RFX2: variants seen among roughly 807,000 people sequenced by gnomAD.
RFX2 encodes DNA-binding protein RFX2.
In RFX2, 20 loss-of-function variants were observed where a neutral mutation model predicts 87.8. The ratio of observed to expected loss-of-function variants is 0.23; its 90% CI spans 0.16 to 0.33. RFX2 has a LOEUF of 0.33. Among genes scored for constraint, RFX2 ranks in the 10% least tolerant of loss-of-function variants. RFX2 has a pLI of 1.00. For synonymous variants in RFX2, 397 were observed against 431.3 expected (o/e 0.92, Z 0.98); for missense variants, 767 against 1,012.3 (o/e 0.76, Z 3.29).
At chr19:6,052,541 C>T (rs887225962) in intron 1 of RFX2, among the ~76,000 whole-genome samples, 2 of 151,990 alleles carry the variant, frequency 1.3e-5, no homozygotes, top group African/African-American at 4.8e-5. Context: ...TATTATCAAC[C>T]ACATTGATGT....
chr19:6,030,555 C>T (rs1021660702), intron 5 of RFX2, among the ~76,000 whole-genome samples: 2 of 151,872 alleles, frequency 1.3e-5, no homozygotes, highest in African/African-American at 2.4e-5. Flanking sequence ...TTGGCAAATC[C>T]CTAGAGACAG....
chr19:5,995,679 A>AG (rs1161178336), intron 16 of RFX2, 36 bp from the exon 17 acceptor site: 3 of 1,548,124 alleles, frequency 1.9e-6, no homozygotes, highest in Non-Finnish European at 2.6e-6. Flanking sequence ...GCGCCTGCAG[A>AG]GGGGCGGCAG....
chr19:6,041,407 G>A (rs990969010), intron 4 of RFX2, among the ~76,000 whole-genome samples: 9 of 152,128 alleles, frequency 5.9e-5, no homozygotes, highest in Non-Finnish European at 2.9e-5. Flanking sequence ...TGAGCTGCAC[G>A]GGAGATGCAT....
chr19:6,099,889 T>A (rs2088091817), intron 1 of RFX2, among the ~76,000 whole-genome samples: 1 of 152,176 alleles, frequency 6.6e-6, no homozygotes, highest in Non-Finnish European at 1.5e-5. Context: ...CTGGAAACAG[T>A]TGGTTGTCAC....
intron 1 of RFX2, among the ~76,000 whole-genome samples, chr19:6,104,017 C>T (rs1442206039): frequency 6.6e-6 from 1 of 152,140 alleles, no homozygotes; most frequent in African/African-American, 2.4e-5. Context: ...ATATAGCAAC[C>T]ACACGAGCTA....
In RFX2 at chr19:6,045,662, T is replaced by C. The variant is rs1241312785; in HGVS notation, c.91-1380A>G. 6.6e-6 allele frequency among the ~76,000 whole-genome samples: 1 copy of C among 151,658 alleles called. No homozygotes were observed. Among genetic ancestry groups the C allele is most frequent in the Non-Finnish European group, 1.5e-5 (1 of 68,028 alleles). On this transcript the variant is annotated intron_variant, in intron 2 of 17. Coordinates refer to ENST00000303657, the MANE Select transcript of RFX2 (RefSeq NM_000635.4). This position sits in a 1 kb window ranked among gnomAD's most constrained non-coding sequence, Gnocchi z 5.2. The stretch of plus-strand genomic sequence containing the variant: ...TTTTTGTTTTTGCGGAATTGTGTTT[T>C]TTTGTTTTTGTTTTTTTGTGTTTTT...
In RFX2 at chr19:6,044,360, G is replaced by T; in HGVS notation, c.91-78C>A. 1 of 911,148 alleles carries T rather than the reference G, an allele frequency of 1.1e-6. No homozygotes were observed. Among genetic ancestry groups the T allele is most frequent in the Non-Finnish European group, 1.6e-6 (1 of 642,946 alleles). 56.4% of individuals were successfully genotyped at this position (911,148 alleles called of 1,614,324 possible). A position where few individuals can be genotyped will look rare whatever the true frequency, so the allele number is the denominator to read the frequency against. On this transcript the variant is annotated intron_variant, in intron 2 of 17. Transcript: ENST00000303657. This position sits in a 1 kb window ranked among gnomAD's most constrained non-coding sequence, Gnocchi z 5.3. Reference sequence around the variant, plus strand: ...GGATACACACAGAATGTAAGATGCTGTTTGTCTGTTCATGTGCTTTTTATT... The same window carrying T: ...GGATACACACAGAATGTAAGATGCTTTTTGTCTGTTCATGTGCTTTTTATT...
At chr19:6,041,452 C>A (rs972673322) in intron 4 of RFX2, among the ~76,000 whole-genome samples, 4 of 152,146 alleles carry the variant, frequency 2.6e-5, no homozygotes, top group African/African-American at 4.8e-5. Flanking sequence ...AGTTACAGAG[C>A]AGAAAACTCT....
At chr19:6,014,414 T>G (rs2086697921) in intron 7 of RFX2, among the ~76,000 whole-genome samples, 1 of 152,130 alleles carries the variant, frequency 6.6e-6, no homozygotes, top group Admixed American at 6.5e-5. Flanking sequence ...TTTTTTTGTA[T>G]TTTTAGTAGG....
At chr19:6,094,900 G>A (rs1014228142) in intron 1 of RFX2, among the ~76,000 whole-genome samples, 1 of 152,024 alleles carries the variant, frequency 6.6e-6, no homozygotes, top group African/African-American at 2.4e-5. Context: ...AGGCTGAGGC[G>A]GGTGGATCAC....
intron 5 of RFX2, among the ~76,000 whole-genome samples, chr19:6,034,627 G>A (rs1328687711): frequency 1.3e-5 from 2 of 152,164 alleles, no homozygotes; most frequent in Non-Finnish European, 2.9e-5. Flanking sequence ...TTCCCAAAGT[G>A]CTAGTATTAC....
Position 6,022,855 on chromosome 19 carries a change from C to T in RFX2, c.597+3308G>A, listed in dbSNP as rs532150299. ...GGAGGCCTGGGAAGCTCCTGTTGAC[C>T]GGCTGGGTCTGGACAATGCTGTCTC... On this transcript the variant is annotated intron_variant, in intron 6 of 17. Coordinates refer to ENST00000303657, the MANE Select transcript of RFX2 (RefSeq NM_000635.4). The surrounding 1 kb of genome is among the most constrained non-coding windows in gnomAD (Gnocchi z 6.2). Among the ~76,000 whole-genome samples the T allele has an allele frequency of 1.3e-5, 2 of 152,312 alleles. No individual in the cohort carries two copies. Among genetic ancestry groups the T allele is most frequent in the African/African-American group, 2.4e-5 (1 of 41,564 alleles).
At chr19:6,097,438 G>GA (rs2088045937) in intron 1 of RFX2, among the ~76,000 whole-genome samples, 1 of 152,130 alleles carries the variant, frequency 6.6e-6, no homozygotes, top group Non-Finnish European at 1.5e-5. Flanking sequence ...CCAAAGGACT[G>GA]AGACATGCAT....
intron 1 of RFX2, among the ~76,000 whole-genome samples, chr19:6,095,952 C>G (rs890282464): frequency 1.3e-5 from 2 of 152,174 alleles, no homozygotes; most frequent in Non-Finnish European, 2.9e-5. Context: ...ACGGCCAGGC[C>G]CAAGCTCTCA....
At chr19:6,100,223 G>C (rs16993376) in intron 1 of RFX2, among the ~76,000 whole-genome samples, 3,088 of 152,278 alleles carry the variant, frequency 0.02, 51 homozygotes, top group Middle Eastern at 0.085. Context: ...TAGTGAAAGG[G>C]AGGCAACGAA....
chr19:6,108,988 G>A (rs977683773), intron 1 of RFX2, among the ~76,000 whole-genome samples: 5 of 151,956 alleles, frequency 3.3e-5, no homozygotes, highest in African/African-American at 1.2e-4. Context: ...GAAAAAGAAA[G>A]AAATGAGCAT....
intron 1 of RFX2, among the ~76,000 whole-genome samples, chr19:6,058,947 C>T (rs1480437809): frequency 2.0e-5 from 3 of 151,972 alleles, no homozygotes; most frequent in South Asian, 4.1e-4. Flanking sequence ...CCCGTCTTAA[C>T]AGTGGAAACA....
At chr19:6,077,753 G>A (rs1434880233) in intron 1 of RFX2, among the ~76,000 whole-genome samples, 6 of 151,934 alleles carry the variant, frequency 3.9e-5, no homozygotes, top group South Asian at 2.1e-4. Flanking sequence ...AGGCTGAGGC[G>A]GGTGGATCAC....
rs916940169 is a variant in RFX2, at chr19:6,039,605, G to A, written c.522+375C>T. On this transcript the variant is annotated intron_variant, in intron 5 of 17. Coordinates refer to ENST00000303657, the MANE Select transcript of RFX2 (RefSeq NM_000635.4). This position sits in a 1 kb window ranked among gnomAD's most constrained non-coding sequence, Gnocchi z 5.2. ...ACTTCCCCTGCTTGATTCAGTCCAG[G>A]TGTCTCATGGATGGATTGATCCACG... Among the ~76,000 whole-genome samples the A allele has an allele frequency of 3.9e-5, 6 of 152,204 alleles. No homozygotes were observed. Among genetic ancestry groups the A allele is most frequent in the Admixed American group, 2.0e-4 (3 of 15,292 alleles).
Sources: allele counts gnomAD v4.1 joint callset (sites outside exome capture counted in the v4.1 genomes callset), GRCh38; gene constraint gnomAD v4.1.1; non-coding constraint Gnocchi (gnomAD v3.1); transcripts MANE v1.5; gene names NCBI Gene and HGNC (gene_info 2026-07-23, HGNC 2026-07-21).